Variants in SHLD2 observed in about 807,000 individuals in gnomAD.
The protein encoded by SHLD2 is RINN1-REV7-interacting novel NHEJ regulator 2.
SHLD2 carries 30 observed loss-of-function variants against 73.2 expected under a neutral mutation model. The observed-to-expected ratio is 0.41, with a 90% CI of 0.31 to 0.56. The LOEUF is 0.56. Ranked by LOEUF, SHLD2 falls within the 20% of genes least tolerant of loss-of-function variation. The probability of loss-of-function intolerance (pLI) is 0.28; values close to 1 mark genes in which losing one functional copy is unlikely to be tolerated. For synonymous variants in SHLD2, 285 were observed against 370.1 expected, an observed-to-expected ratio of 0.77 and a Z score of 2.64; for missense variants, 745 against 1,055.9, an observed-to-expected ratio of 0.71 and a Z score of 4.08.
chr10:87,188,686 T>G (rs1347557493), intron 9 of SHLD2, among the ~76,000 whole-genome samples: 2 of 152,198 alleles, frequency 1.3e-5, no homozygotes, highest in South Asian at 2.1e-4. Flanking sequence ...AGGACCTGTC[T>G]TCTTCCCAAG....
chr10:87,107,714 AAGC>A (rs919796708), intron 2 of SHLD2, among the ~76,000 whole-genome samples: 1 of 152,194 alleles, frequency 6.6e-6, no homozygotes, highest in Non-Finnish European at 1.5e-5. Flanking sequence ...ACAGGTGGAT[AAGC>A]AGTCAGATCA....
intron 2 of SHLD2, among the ~76,000 whole-genome samples, chr10:87,117,915 A>T (rs1242751553): frequency 6.6e-6 from 1 of 152,222 alleles, no homozygotes; most frequent in African/African-American, 2.4e-5. Flanking sequence ...TTCTATGAAA[A>T]AGTGGGTTCC....
chr10:87,185,786 A>C (rs1416322184), intron 8 of SHLD2, among the ~76,000 whole-genome samples: 1 of 152,098 alleles, frequency 6.6e-6, no homozygotes, highest in Non-Finnish European at 1.5e-5. Flanking sequence ...TGGCATGTGG[A>C]TATCTAGTTG....
chr10:87,172,653 TA>T (rs1847668269), intron 6 of SHLD2, among the ~76,000 whole-genome samples: 1 of 151,496 alleles, frequency 6.6e-6, no homozygotes. Flanking sequence ...GTTCTCATCT[TA>T]AAAAAAATAA....
Position 87,147,322 on chromosome 10 carries a change from A to G in SHLD2, c.-5-4028A>G, listed in dbSNP as rs1845698833. On this transcript the variant is annotated intron_variant, in intron 2 of 9. Transcript: ENST00000298786. ...AATGGGATTGGATGAAATTCTCTAG[A>G]GGTGTGTGGAATGGAAAGAGGTGGC... is the stretch of plus-strand genomic sequence containing the variant. Among the ~76,000 whole-genome samples, 3 of 151,464 alleles carry G rather than the reference A, an allele frequency of 2.0e-5. No individual in the cohort carries two copies. The South Asian group carries it at 6.3e-4, about 32-fold the overall frequency.
intron 9 of SHLD2, among the ~76,000 whole-genome samples, chr10:87,188,445 G>T (rs1292738839): frequency 2.6e-5 from 4 of 151,932 alleles, no homozygotes; most frequent in South Asian, 4.2e-4. Flanking sequence ...GAAGGCTTTT[G>T]TTCCTTAAAG....
At chr10:87,174,567 C>CAAAA (rs5786765) in intron 6 of SHLD2, among the ~76,000 whole-genome samples, 1 of 113,286 alleles carries the variant, frequency 8.8e-6, no homozygotes, top group African/African-American at 3.0e-5. Flanking sequence ...GATTTTCCAC[C>CAAAA]AAAAAAAAAA....
intron 2 of SHLD2, chr10:87,115,551 T>C (rs1302151483): frequency 1.3e-5 from 2 of 151,818 alleles, no homozygotes; most frequent in Non-Finnish European, 2.9e-5. Flanking sequence ...AGTGGTGACG[T>C]TGTAAGAGGA....
intron 3 of SHLD2, among the ~76,000 whole-genome samples, chr10:87,153,242 G>A (rs951350611): frequency 1.6e-4 from 24 of 152,102 alleles, no homozygotes; most frequent in Admixed American, 6.6e-5. Flanking sequence ...TGGCAACACA[G>A]AACCCGTCTC....
intron 2 of SHLD2, among the ~76,000 whole-genome samples, chr10:87,102,047 T>C (rs1842301052): frequency 6.6e-6 from 1 of 152,244 alleles, no homozygotes; most frequent in African/African-American, 2.4e-5. Flanking sequence ...TGAATGTGTT[T>C]TATTTCATTT....
chr10:87,125,661 C>A (rs1381497764), intron 2 of SHLD2, among the ~76,000 whole-genome samples: 3 of 152,106 alleles, frequency 2.0e-5, no homozygotes, highest in Admixed American at 2.0e-4. Context: ...TGCTTGAACC[C>A]AAGAGGTGGA....
chr10:87,139,241 G>A (rs1285075896), intron 2 of SHLD2, among the ~76,000 whole-genome samples: 2 of 151,890 alleles, frequency 1.3e-5, no homozygotes, highest in African/African-American at 4.8e-5. Flanking sequence ...TAGACTAAAG[G>A]CCTTTCTAAA....
intron 2 of SHLD2, among the ~76,000 whole-genome samples, chr10:87,102,413 T>C (rs569329094): frequency 6.6e-6 from 1 of 152,282 alleles, no homozygotes; most frequent in South Asian, 2.1e-4. Flanking sequence ...CCCTGGGTAA[T>C]TTTTAAATTG....
chr10:87,131,886 T>TA (rs1844455828), intron 2 of SHLD2, among the ~76,000 whole-genome samples: 1 of 152,230 alleles, frequency 6.6e-6, no homozygotes, highest in African/African-American at 2.4e-5. Context: ...TGTTTTCCAT[T>TA]AAAAAATTTT....
chr10:87,152,865 T>C lies in SHLD2; in HGVS notation c.1511T>C (p.Ile504Thr), dbSNP rs774191507. Residue 504 changes from isoleucine (I) to threonine (T), a missense_variant, in exon 3 of 10, where the codon ATA (isoleucine) becomes ACA (threonine). Ile to Thr is a moderately conservative substitution (Grantham distance 89, BLOSUM62 -1). Coordinates refer to ENST00000298786, the MANE Select transcript of SHLD2 (RefSeq NM_001330112.2). ...FWAFTVFLGD[I>T]ILLTDVVIHE... ...GCATTTACAGTGTTTCTTGGAGATA[T>C]AATTTTACTCACAGGTGAGGTCATT... 9.9e-6 allele frequency: 16 copies of C among 1,611,212 alleles called. No individual in the cohort carries two copies. The highest frequency in any genetic ancestry group is 6.7e-5 in the East Asian group (3 of 44,868).
chr10:87,094,826 C>T, upstream of SHLD2: 1 of 1,332,412 alleles, frequency 7.5e-7, no homozygotes, highest in Non-Finnish European at 1.0e-6. This position sits in a 1 kb window ranked among gnomAD's most constrained non-coding sequence, Gnocchi z 6.6. Flanking sequence ...CTTTCTCAGA[C>T]TCCCCGCGAC....
chr10:87,121,054 A>G (rs1048346095), intron 2 of SHLD2, among the ~76,000 whole-genome samples: 2 of 152,220 alleles, frequency 1.3e-5, no homozygotes, highest in Non-Finnish European at 2.9e-5. Flanking sequence ...CTGTCTCAAA[A>G]AAAAAAGAGT....
intron 2 of SHLD2, among the ~76,000 whole-genome samples, chr10:87,148,694 G>T (rs1436693855): frequency 6.6e-6 from 1 of 151,980 alleles, no homozygotes; most frequent in Non-Finnish European, 1.5e-5. Flanking sequence ...AGTGAGCCAT[G>T]ATTGCACCAT....
intron 4 of SHLD2, among the ~76,000 whole-genome samples, chr10:87,163,063 A>G (rs1846931586): frequency 6.6e-6 from 1 of 152,062 alleles, no homozygotes. Context: ...TGCAAAATAT[A>G]TAGGAGAATG....
Sources: gnomAD v4.1 joint callset for allele counts (sites outside exome capture counted in the v4.1 genomes callset) on GRCh38, gnomAD v4.1.1 for gene constraint, Gnocchi (gnomAD v3.1) non-coding constraint, MANE v1.5 for transcripts, NCBI Gene and HGNC (gene_info 2026-07-23, HGNC 2026-07-21) for gene names.